Variants in MAP3K5 observed in about 807,000 individuals in gnomAD.
The protein encoded by MAP3K5 is ASK-1.
In MAP3K5, 56 loss-of-function variants were observed where a neutral mutation model predicts 158.7. That is an observed-to-expected ratio of 0.35 (90% CI 0.28 to 0.44). The LOEUF is 0.44. Ranked by LOEUF, MAP3K5 falls within the 20% of genes least tolerant of loss-of-function variation. MAP3K5 has a pLI of 1.00. For missense variants in MAP3K5, 1,294 were observed against 1,674.8 expected, an observed-to-expected ratio of 0.77 and a Z score of 3.97; for synonymous variants, 579 against 601.7, an observed-to-expected ratio of 0.96 and a Z score of 0.55.
At chr6:136,590,418 A>G (rs1457617178) in intron 23 of MAP3K5, among the ~76,000 whole-genome samples, 1 of 152,202 alleles carries the variant, frequency 6.6e-6, no homozygotes, top group African/African-American at 2.4e-5. Context: ...TATTACATAC[A>G]GCAGATCCTC....
chr6:136,569,470 T>C (rs1774269632), intron 25 of MAP3K5, among the ~76,000 whole-genome samples: 1 of 152,236 alleles, frequency 6.6e-6, no homozygotes, highest in Non-Finnish European at 1.5e-5. Context: ...CATTTCTTTA[T>C]GCTGACTTCA....
At chr6:136,642,752 C>T (rs9376219) in intron 11 of MAP3K5, among the ~76,000 whole-genome samples, 183 bp from the exon 12 acceptor site, 42,375 of 151,960 alleles carry the variant, frequency 0.28, 6,406 homozygotes, top group Middle Eastern at 0.37. Flanking sequence ...GTAATGATTA[C>T]TCTACTTAAT....
At chr6:136,699,339 A>T (rs1780746426) in intron 3 of MAP3K5, among the ~76,000 whole-genome samples, 1 of 152,184 alleles carries the variant, frequency 6.6e-6, no homozygotes, top group Non-Finnish European at 1.5e-5. Flanking sequence ...AGCCACTGCC[A>T]TCAGCTTTAA....
At chr6:136,565,921 G>T (rs1277334704) in intron 26 of MAP3K5, among the ~76,000 whole-genome samples, 2 of 152,202 alleles carry the variant, frequency 1.3e-5, no homozygotes, top group African/African-American at 4.8e-5. Flanking sequence ...ATGTAAATAT[G>T]CAGAGGAAAA....
intron 7 of MAP3K5, among the ~76,000 whole-genome samples, chr6:136,690,523 G>C (rs570071606): frequency 9.2e-5 from 14 of 152,158 alleles, no homozygotes; most frequent in African/African-American, 3.4e-4. Context: ...GATATTGTCA[G>C]ATTTATAAAT....
intron 10 of MAP3K5, 27 bp from the exon 11 acceptor site, chr6:136,651,118 A>T (rs779691761): frequency 7.9e-7 from 1 of 1,272,694 alleles, no homozygotes; most frequent in Non-Finnish European, 1.1e-6. Context: ...AAAGAAACTA[A>T]TATCAGTGAC....
chr6:136,602,612 G>A (rs1446077901), intron 19 of MAP3K5, among the ~76,000 whole-genome samples: 2 of 152,186 alleles, frequency 1.3e-5, no homozygotes, highest in African/African-American at 2.4e-5. Flanking sequence ...CCACCGAGCT[G>A]AGACCACTGC....
chr6:136,656,214 A>G (rs1393793895), intron 10 of MAP3K5, 93 bp downstream of exon 10: 1 of 1,107,148 alleles, frequency 9.0e-7, no homozygotes. Flanking sequence ...GTTTTAAGGC[A>G]CCAAAAATCA....
At chr6:136,758,124 C>A (rs1222458803) in intron 1 of MAP3K5, among the ~76,000 whole-genome samples, 1 of 152,128 alleles carries the variant, frequency 6.6e-6, no homozygotes, top group Non-Finnish European at 1.5e-5. Context: ...GGAACAAATG[C>A]TATTTTGATT....
intron 15 of MAP3K5, among the ~76,000 whole-genome samples, chr6:136,620,543 G>T (rs1394921204): frequency 6.6e-6 from 1 of 152,168 alleles, no homozygotes; most frequent in Admixed American, 6.5e-5. Flanking sequence ...GCTCAGGGGT[G>T]GGTCCTTCCT....
rs183952532 is a variant in MAP3K5, at chr6:136,690,781, T to C, written c.1253+3359A>G. Among the ~76,000 whole-genome samples, 11 of 152,314 alleles carry C rather than the reference T, an allele frequency of 7.2e-5. No individual in the cohort carries two copies. The East Asian group carries it at 1.7e-3, about 24-fold the overall frequency. On this transcript the variant is annotated intron_variant, in intron 7 of 29. Transcript: ENST00000359015. ...TGATGGTATCTTTTATATTTATTCA[T>C]ATATTTATCATTTCCAGTGCTATAT...
chr6:136,726,659 T>C (rs182977563), intron 1 of MAP3K5, among the ~76,000 whole-genome samples: 2 of 152,264 alleles, frequency 1.3e-5, no homozygotes, highest in Admixed American at 6.5e-5. Flanking sequence ...TAGTATTTCA[T>C]AATTTTCAAC....
chr6:136,691,002 A>G (rs891178678), intron 7 of MAP3K5, among the ~76,000 whole-genome samples: 1 of 151,642 alleles, frequency 6.6e-6, no homozygotes, highest in East Asian at 1.9e-4. Flanking sequence ...TTCTTTCAGC[A>G]CTTTAATGTT....
chr6:136,565,780 C>T (rs571589687), intron 26 of MAP3K5, among the ~76,000 whole-genome samples: 85 of 152,298 alleles, frequency 5.6e-4, no homozygotes, highest in Middle Eastern at 3.4e-3. Context: ...AAGCAGCTGT[C>T]CTTTCTTCAA....
At chr6:136,566,701 G>A (rs1774125418) in intron 26 of MAP3K5, among the ~76,000 whole-genome samples, 1 of 152,198 alleles carries the variant, frequency 6.6e-6, no homozygotes, top group South Asian at 2.1e-4. Flanking sequence ...GCACATCATA[G>A]AAGATGTGTC....
intron 3 of MAP3K5, among the ~76,000 whole-genome samples, chr6:136,704,256 T>C (rs931055091): frequency 1.3e-5 from 2 of 152,176 alleles, no homozygotes; most frequent in African/African-American, 4.8e-5. Flanking sequence ...GCTCTCAATA[T>C]AAGCTAGCTA....
chr6:136,745,305 A>T (rs1449508280), intron 1 of MAP3K5, among the ~76,000 whole-genome samples: 2 of 152,122 alleles, frequency 1.3e-5, no homozygotes, highest in Non-Finnish European at 2.9e-5. Flanking sequence ...CATGTATTTC[A>T]CCAACACAAA....
chr6:136,776,095 T>C (rs541994585), intron 1 of MAP3K5, among the ~76,000 whole-genome samples: 1 of 152,366 alleles, frequency 6.6e-6, no homozygotes, highest in South Asian at 2.1e-4. Context: ...TACTTATGTA[T>C]ATTTCACCCA....
intron 6 of MAP3K5, among the ~76,000 whole-genome samples, chr6:136,695,618 G>T (rs1780570512): frequency 6.6e-6 from 1 of 152,138 alleles, no homozygotes; most frequent in South Asian, 2.1e-4. Context: ...ATGACCATCT[G>T]GTGTTGAGTG....
Sources: gnomAD v4.1 joint callset for allele counts (sites outside exome capture counted in the v4.1 genomes callset) on GRCh38, gnomAD v4.1.1 for gene constraint, MANE v1.5 for transcripts, NCBI Gene and HGNC (gene_info 2026-07-23, HGNC 2026-07-21) for gene names.